Variants in SLC8A1 observed in about 807,000 individuals in gnomAD.
SLC8A1 encodes the protein solute carrier family 8 member A1.
Under a neutral mutation model 68.3 loss-of-function variants are expected in SLC8A1, and 18 were observed. The observed-to-expected ratio is 0.26, with a 90% CI of 0.18 to 0.39. The LOEUF (loss-of-function observed/expected upper bound fraction) is 0.39, where lower values mean the gene tolerates loss of function less well. SLC8A1 is among the 10% of genes least tolerant of loss of function. The probability of loss-of-function intolerance (pLI) is 1.00; values close to 1 mark genes in which losing one functional copy is unlikely to be tolerated. For synonymous variants in SLC8A1, 475 were observed against 415.5 expected (o/e 1.14, Z -1.74); for missense variants, 985 against 1,156.7 (o/e 0.85, Z 2.15).
At chr2:40,378,620 G>C (rs935132801) in intron 2 of SLC8A1, among the ~76,000 whole-genome samples, 13 of 152,116 alleles carry the variant, frequency 8.5e-5, no homozygotes, top group African/African-American at 3.1e-4. Flanking sequence ...TGTTCATATA[G>C]CTGATAACAG....
chr2:40,220,320 C>T (rs1303758336), intron 2 of SLC8A1: 2 of 152,176 alleles, frequency 1.3e-5, no homozygotes, highest in East Asian at 1.9e-4. Flanking sequence ...GCTGAGACAT[C>T]TCTGACTTGG....
At chr2:40,425,962 A>C (rs4952624) in intron 2 of SLC8A1, among the ~76,000 whole-genome samples, 13,852 of 151,916 alleles carry the variant, frequency 0.091, 1,275 homozygotes, top group East Asian at 0.41. Flanking sequence ...AATAGCAAAG[A>C]CATGGAATCA....
intron 1 of SLC8A1, among the ~76,000 whole-genome samples, chr2:40,499,069 C>T (rs769641658): frequency 2.0e-5 from 3 of 151,860 alleles, no homozygotes; most frequent in East Asian, 1.9e-4. Flanking sequence ...AGAGAAAATT[C>T]GAGAGAAACA....
At chr2:40,139,810 G>T in intron 6 of SLC8A1, 134 bp from the exon 10 acceptor site, 2 of 870,636 alleles carry the variant, frequency 2.3e-6, no homozygotes, top group Non-Finnish European at 3.6e-6. Context: ...GTGAAGTTTA[G>T]GGTTTTCCAA....
At chr2:40,328,143 G>C (rs961426492) in intron 2 of SLC8A1, among the ~76,000 whole-genome samples, 2 of 151,986 alleles carry the variant, frequency 1.3e-5, no homozygotes, top group Non-Finnish European at 2.9e-5. Context: ...GATGAGTTGA[G>C]GTAGAAACTA....
chr2:40,492,712 G>A (rs1419482431), intron 1 of SLC8A1, among the ~76,000 whole-genome samples: 1 of 149,410 alleles, frequency 6.7e-6, no homozygotes, highest in East Asian at 1.9e-4. Context: ...CTCAAAAGAA[G>A]ACATTTATGC....
chr2:40,343,140 T>G (rs1049671925), intron 2 of SLC8A1, among the ~76,000 whole-genome samples: 21 of 152,128 alleles, frequency 1.4e-4, no homozygotes, highest in African/African-American at 5.1e-4. Flanking sequence ...ATGTAAAACT[T>G]GGGCAAAAAT....
rs533190915 is a variant in SLC8A1 at position 40,165,516 on chromosome 2, C to T, written c.1931-532G>A. Among the ~76,000 whole-genome samples, 7 of 152,222 alleles carry T rather than the reference C, an allele frequency of 4.6e-5. No individual in the cohort carries two copies. The South Asian group carries it at 1.5e-3, about 32-fold the overall frequency. Reference sequence around the variant, plus strand: ...TTTAGCCTCTCTCTTGCCAAGAGACCCTATTGCAAGTTAAACAGCAAAACA... The same window carrying T: ...TTTAGCCTCTCTCTTGCCAAGAGACTCTATTGCAAGTTAAACAGCAAAACA... On this transcript the variant is annotated intron_variant, in intron 4 of 7. Coordinates refer to ENST00000406785, the Ensembl canonical transcript of SLC8A1.
intron 2 of SLC8A1, among the ~76,000 whole-genome samples, chr2:40,397,618 T>C (rs1212745846): frequency 1.3e-5 from 2 of 152,196 alleles, no homozygotes; most frequent in Non-Finnish European, 2.9e-5. Flanking sequence ...TTCTGAATGC[T>C]AGCTGCATAT....
chr2:40,234,281 G>A (rs1445425477), intron 2 of SLC8A1, among the ~76,000 whole-genome samples: 2 of 151,462 alleles, frequency 1.3e-5, no homozygotes, highest in African/African-American at 4.9e-5. Context: ...TCCTTGAGCA[G>A]TGGTTTGTAG....
intron 2 of SLC8A1, among the ~76,000 whole-genome samples, chr2:40,281,611 T>C (rs1012430488): frequency 2.6e-5 from 4 of 152,184 alleles, no homozygotes; most frequent in African/African-American, 9.7e-5. Flanking sequence ...GCAAGTCTAA[T>C]GGAGAATGAG....
chr2:40,324,692 C>T (rs1260528137), intron 2 of SLC8A1, among the ~76,000 whole-genome samples: 1 of 151,978 alleles, frequency 6.6e-6, no homozygotes, highest in African/African-American at 2.4e-5. Context: ...TCTTCCCTCC[C>T]TGTCTTTCTC....
chr2:40,216,856 T>G (rs914159903), intron 2 of SLC8A1, among the ~76,000 whole-genome samples: 5 of 152,222 alleles, frequency 3.3e-5, no homozygotes, highest in Non-Finnish European at 7.3e-5. Context: ...GTTATTTTTT[T>G]CTTGTAAATT....
chr2:40,393,006 G>T (rs764835941), intron 2 of SLC8A1, among the ~76,000 whole-genome samples: 23 of 152,056 alleles, frequency 1.5e-4, no homozygotes, highest in Admixed American at 7.9e-4. Context: ...AGGAGCAGGA[G>T]AAATGTTGTC....
intron 3 of SLC8A1, 54 bp from the exon 4 acceptor site, chr2:40,175,335 G>A: frequency 6.4e-7 from 1 of 1,556,260 alleles, no homozygotes; most frequent in Non-Finnish European, 8.8e-7. Flanking sequence ...GATGAATAAT[G>A]AAAGTAAGAG....
intron 2 of SLC8A1, among the ~76,000 whole-genome samples, chr2:40,191,921 T>C (rs182952872): frequency 2.0e-5 from 3 of 152,296 alleles, no homozygotes; most frequent in Admixed American, 6.5e-5. Flanking sequence ...AAGTCTGTGC[T>C]TTTGTTCAGA....
chr2:40,418,830 G>T (rs1041703386), intron 2 of SLC8A1, among the ~76,000 whole-genome samples: 1 of 152,178 alleles, frequency 6.6e-6, no homozygotes, highest in Admixed American at 6.5e-5. Flanking sequence ...CTGGGATGGG[G>T]ACAGGAGAGG....
rs116790726 is a variant in SLC8A1 at position 40,209,606 on chromosome 2, G to C, written c.1809-31751C>G. Among the ~76,000 whole-genome samples, 378 of 152,210 alleles carry C rather than the reference G, an allele frequency of 2.5e-3. 2 individuals carry two copies. Among genetic ancestry groups the C allele is most frequent in the Non-Finnish European group, 3.5e-3 (241 of 68,014 alleles). On this transcript the variant is annotated intron_variant, in intron 2 of 7. Transcript: ENST00000406785. ...GTGGAGAACAGATTGTAGAGATAAG[G>C]GTGCTACCAGGGAGGCTACTGTGGT... is the stretch of plus-strand genomic sequence containing the variant.
intron 2 of SLC8A1, among the ~76,000 whole-genome samples, chr2:40,240,376 T>C (rs1328794202): frequency 6.6e-6 from 1 of 152,168 alleles, no homozygotes; most frequent in Non-Finnish European, 1.5e-5. Context: ...AGGATGTGAT[T>C]GTTTTGGCTT....
Sources: allele counts gnomAD v4.1 joint callset (sites outside exome capture counted in the v4.1 genomes callset), GRCh38; gene constraint gnomAD v4.1.1; transcripts MANE v1.5; gene names NCBI Gene and HGNC (gene_info 2026-07-23, HGNC 2026-07-21).